The following DDX39B variants were observed in gnomAD, a reference collection of about 807,000 sequenced individuals.
DDX39B encodes the protein DExD-box helicase 39B, also known as spliceosome RNA helicase DDX39B.
A neutral mutation model predicts 46.4 loss-of-function variants in DDX39B; 6 were observed. The ratio of observed to expected loss-of-function variants is 0.13; its 90% CI spans 0.07 to 0.26. The LOEUF is 0.26. Among genes scored for constraint, DDX39B ranks in the 10% least tolerant of loss-of-function variants. The pLI, the probability that DDX39B is intolerant of heterozygous loss-of-function variation, is 1.00. For synonymous variants in DDX39B, 174 were observed against 199.4 expected, an observed-to-expected ratio of 0.87 and a Z score of 1.07; for missense variants, 185 against 553.4, an observed-to-expected ratio of 0.33 and a Z score of 6.68.
At chr6:31,541,109 G>A (rs1180313740) in intron 1 of DDX39B, 1 of 533,720 alleles carries the variant, frequency 1.9e-6, no homozygotes, top group Non-Finnish European at 3.8e-6. Context: ...GCAGCCATCA[G>A]TCAAGGGTGA....
rs1357403715 is a variant in DDX39B at position 31,534,408 on chromosome 6, A to G, written c.735+959T>C. 1.3e-5 allele frequency: 6 copies of G among 459,096 alleles called. No homozygotes were observed. Among genetic ancestry groups the G allele is most frequent in the Non-Finnish European group, 2.7e-5 (6 of 223,142 alleles). 28.4% of individuals were successfully genotyped at this position (459,096 alleles called of 1,614,324 possible). ...GGGAAGGAACACTGCAGGGAGGGGA[A>G]GAACACACTCCACTGCTTATGCAAT... On this transcript the variant is annotated intron_variant, in intron 6 of 10. Transcript: ENST00000396172. This position sits in a 1 kb window ranked among gnomAD's most constrained non-coding sequence, Gnocchi z 5.1.
At position 31,534,269 on chromosome 6, in the gene DDX39B, GGATTAGAGGT is replaced by G. The variant is rs1279388731; in HGVS notation, c.735+1088_735+1097del. ...CCCACCTTGGCCTCCCAAAGTGCTG[GGATTAGAGGT>G]GAGCCACCAGGCCCAGCCAAGGCAG... On this transcript the variant is annotated intron_variant, in intron 6 of 10. Coordinates refer to ENST00000396172, the MANE Select transcript of DDX39B (RefSeq NM_004640.7). The surrounding 1 kb of genome is among the most constrained non-coding windows in gnomAD (Gnocchi z 5.1). 3.0e-5 allele frequency: 8 copies of G among 271,090 alleles called. No individual in the cohort carries two copies. Among genetic ancestry groups the G allele is most frequent in the African/African-American group, 1.8e-4 (8 of 44,702 alleles). The allele number at this position is 271,090 out of a possible 1,614,324, so 16.8% of individuals were successfully genotyped here.
rs759787531 is a variant in DDX39B, at chr6:31,538,714, C to T, written c.432+49G>A. 7.2e-6 allele frequency: 11 copies of T among 1,526,242 alleles called. No homozygotes were observed. In the South Asian group the frequency reaches 1.1e-4, roughly 15 times the overall value. 94.5% of individuals were successfully genotyped at this position (1,526,242 alleles called of 1,614,324 possible). A position where few individuals can be genotyped will look rare whatever the true frequency, so the allele number is the denominator to read the frequency against. ...ACTATTGGCCTACAAGTTTCTTATC[C>T]CTCCAACTTGCCACACCCTCACTCT... is the stretch of plus-strand genomic sequence containing the variant. On this transcript the variant is annotated intron_variant, in intron 4 of 10. Coordinates refer to ENST00000396172, the MANE Select transcript of DDX39B (RefSeq NM_004640.7).
chr6:31,538,608 C>T (rs1768047930), intron 4 of DDX39B, among the ~76,000 whole-genome samples, 155 bp downstream of exon 4: 2 of 152,136 alleles, frequency 1.3e-5, no homozygotes, highest in Admixed American at 6.5e-5. Flanking sequence ...ATCCATAGCC[C>T]AATTACGAAT....
chr6:31,541,341 G>A (rs1409433795), intron 1 of DDX39B: 1 of 387,072 alleles, frequency 2.6e-6, no homozygotes, highest in Non-Finnish European at 5.3e-6. Context: ...CAATAAGAAA[G>A]CTAATAGGTG....
intron 1 of DDX39B, 43 bp downstream of exon 1, chr6:31,541,907 G>A (rs1768526700): frequency 7.8e-6 from 5 of 637,896 alleles, no homozygotes; most frequent in African/African-American, 7.3e-5. Context: ...TGGGTGCGGA[G>A]AAGCGCAGAT....
At chr6:31,541,743 C>T (rs1768495539) in intron 1 of DDX39B, 1 of 626,766 alleles carries the variant, frequency 1.6e-6, no homozygotes, top group Non-Finnish European at 3.0e-6. Flanking sequence ...CCGAGGACAC[C>T]ATCTTGGATT....
chr6:31,535,952 T>C lies in DDX39B; in HGVS notation c.617-467A>G, dbSNP rs976494106. On this transcript the variant is annotated intron_variant, in intron 5 of 10. Transcript: ENST00000396172. This position sits in a 1 kb window ranked among gnomAD's most constrained non-coding sequence, Gnocchi z 4.6. ...ACCATATAGAATTGCCAAAGATCATTTGTAATGACTTATGGGGCCTATGTC... is the reference window on the plus strand; with the variant it reads ...ACCATATAGAATTGCCAAAGATCATCTGTAATGACTTATGGGGCCTATGTC... 1.3e-5 allele frequency among the ~76,000 whole-genome samples: 2 copies of C among 152,214 alleles called. No individual in the cohort carries two copies. Among genetic ancestry groups the C allele is most frequent in the African/African-American group, 2.4e-5 (1 of 41,458 alleles).
At position 31,539,140 on chromosome 6, in the gene DDX39B, A is replaced by T. The variant is rs763684827; in HGVS notation, c.339+7T>A. 2 of 1,613,118 alleles carry T rather than the reference A, an allele frequency of 1.2e-6. No homozygotes were observed. The highest frequency in any genetic ancestry group is 2.2e-5 in the South Asian group (2 of 91,084). ...AATCCCCTCCCCAGCACTCTCCCCA[A>T]ATATACCTGCCCAGTAACTGGCTCC... On this transcript the variant is annotated splice_region_variant and intron_variant, in intron 3 of 10. Transcript: ENST00000396172.
At chr6:31,533,150 GGAAA>G (rs1368338221) in intron 6 of DDX39B, 5 of 418,848 alleles carry the variant, frequency 1.2e-5, no homozygotes, top group African/African-American at 6.1e-5. Context: ...AACTATCATG[GGAAA>G]GAAACTGCAA....
At chr6:31,541,298 C>A in intron 1 of DDX39B, 2 of 462,958 alleles carry the variant, frequency 4.3e-6, no homozygotes, top group South Asian at 1.6e-5. Flanking sequence ...AATGGCTCGG[C>A]CACAAAAAAA....
At chr6:31,538,615 G>T in intron 4 of DDX39B, 148 bp downstream of exon 4, 1 of 683,980 alleles carries the variant, frequency 1.5e-6, no homozygotes, top group Non-Finnish European at 2.4e-6. Context: ...GCCCAATTAC[G>T]AATCCTCCTG....
rs1767045245 is a variant in DDX39B at position 31,530,572 on chromosome 6, A to AG, written c.1271-123dup. 1 of 1,404,710 alleles carries AG rather than the reference A, an allele frequency of 7.1e-7. No individual in the cohort carries two copies. The highest frequency in any genetic ancestry group is 1.5e-5 in the African/African-American group (1 of 68,550). 87.0% of individuals were successfully genotyped at this position (1,404,710 alleles called of 1,614,324 possible). A position where few individuals can be genotyped will look rare whatever the true frequency, so the allele number is the denominator to read the frequency against. On this transcript the variant is annotated intron_variant, in intron 10 of 10. Transcript: ENST00000396172. This position sits in a 1 kb window ranked among gnomAD's most constrained non-coding sequence, Gnocchi z 4.5. ...GGTTCAGAGGACGGACGTGGGGGTG[A>AG]GGGAAGGGATGTAATATGATGAGAG...
In DDX39B at chr6:31,531,517, C is replaced by T. The variant is rs1018273396; in HGVS notation, c.868-112G>A. 12 of 787,738 alleles carry T rather than the reference C, an allele frequency of 1.5e-5. No individual in the cohort carries two copies. The African/African-American group carries it at 1.6e-4, about 10-fold the overall frequency. 48.8% of individuals were successfully genotyped at this position (787,738 alleles called of 1,614,324 possible). ...CTAGTAATTACGTTCTCAGGAATTC[C>T]TCTTCATTTCTCTTATTCCCCCACT... is the stretch of plus-strand genomic sequence containing the variant. On this transcript the variant is annotated intron_variant, in intron 7 of 10. Transcript: ENST00000396172. The surrounding 1 kb of genome is among the most constrained non-coding windows in gnomAD (Gnocchi z 5.8).
rs752959659 is a variant in DDX39B at position 31,540,391 on chromosome 6, G to A, written c.142C>T (p.Arg48Cys). ...SYVSIHSSGF[R>C]DFLLKPELLR... ...AACTCTGGCTTGAGCAGGAAGTCACGAAAGCCAGAGCTGTGGATGGAGACA... is the reference window on the plus strand; with the variant it reads ...AACTCTGGCTTGAGCAGGAAGTCACAAAAGCCAGAGCTGTGGATGGAGACA... Residue 48 changes from arginine to cysteine, a missense_variant, in exon 2 of 11, where the codon CGT becomes TGT. Around this residue, in one of 5 missense-constraint regions of DDX39B, gnomAD observed 18 missense variants for 120.1 expected, o/e 0.15. Transcript: ENST00000396172. 6.2e-7 allele frequency: 1 copy of A among 1,614,068 alleles called. No homozygotes were observed. The highest frequency in any genetic ancestry group is 1.3e-5 in the African/African-American group (1 of 74,910).
Position 31,535,621 on chromosome 6 carries a change from CAAG to C in DDX39B, c.617-139_617-137del, listed in dbSNP as rs1158923869. 1 of 680,188 alleles carries C rather than the reference CAAG, an allele frequency of 1.5e-6. No individual in the cohort carries two copies. The highest frequency in any genetic ancestry group is 1.8e-5 in the African/African-American group (1 of 55,560). 42.1% of individuals were successfully genotyped at this position (680,188 alleles called of 1,614,324 possible). On this transcript the variant is annotated intron_variant, in intron 5 of 10. Coordinates refer to ENST00000396172, the MANE Select transcript of DDX39B (RefSeq NM_004640.7). This position sits in a 1 kb window ranked among gnomAD's most constrained non-coding sequence, Gnocchi z 4.6. The stretch of plus-strand genomic sequence containing the variant: ...ATGGAAAGAGCAATGGACTTGGAAT[CAAG>C]AAGTGGGATCAGATTCCAGCTGTTT...
intron 3 of DDX39B, 64 bp from the exon 4 acceptor site, chr6:31,538,919 G>A (rs1374048985): frequency 1.3e-6 from 2 of 1,553,744 alleles, no homozygotes; most frequent in African/African-American, 1.4e-5. Flanking sequence ...CTCTAGGGAA[G>A]TGACTGTCAC....
In DDX39B at chr6:31,531,128, T is replaced by C. The variant is rs1425158864; in HGVS notation, c.1047A>G (p.Arg349=). Residue 349 remains arginine (R), a synonymous_variant, in exon 9 of 11, where the codon CGA becomes CGG. Coordinates refer to ENST00000396172, the MANE Select transcript of DDX39B (RefSeq NM_004640.7). This position sits in a 1 kb window ranked among gnomAD's most constrained non-coding sequence, Gnocchi z 5.8. ...TGTTCACCCGCTCGATGTCCATGCCTCGGCCAAATAGGTTGGTAGCCACAA... is the reference window on the plus strand; with the variant it reads ...TGTTCACCCGCTCGATGTCCATGCCCCGGCCAAATAGGTTGGTAGCCACAA... ...RILVATNLFG[R]GMDIERVNIA... The C allele has an allele frequency of 6.2e-7, 1 of 1,614,210 alleles. No individual in the cohort carries two copies. Among genetic ancestry groups the C allele is most frequent in the Admixed American group, 1.7e-5 (1 of 60,024 alleles).
In DDX39B at chr6:31,534,422, T is replaced by C. The variant is rs990756168; in HGVS notation, c.735+945A>G. 3 of 466,148 alleles carry C rather than the reference T, an allele frequency of 6.4e-6. No homozygotes were observed. Among genetic ancestry groups the C allele is most frequent in the Non-Finnish European group, 1.3e-5 (3 of 225,516 alleles). The allele number at this position is 466,148 out of a possible 1,614,324, so 28.9% of individuals were successfully genotyped here. On this transcript the variant is annotated intron_variant, in intron 6 of 10. Coordinates refer to ENST00000396172, the MANE Select transcript of DDX39B (RefSeq NM_004640.7). The surrounding 1 kb of genome is among the most constrained non-coding windows in gnomAD (Gnocchi z 5.1). ...CAGGGAGGGGAAGAACACACTCCAC[T>C]GCTTATGCAATTGGCCCCACCTAGC...
Sources: gnomAD v4.1 joint callset for allele counts (sites outside exome capture counted in the v4.1 genomes callset) on GRCh38, gnomAD v4.1.1 for gene constraint, gnomAD v4.1.1 regional missense constraint, Gnocchi (gnomAD v3.1) non-coding constraint, MANE v1.5 for transcripts, NCBI Gene and HGNC (gene_info 2026-07-23, HGNC 2026-07-21) for gene names.